The following RMST variants were observed in gnomAD, a reference collection of about 807,000 sequenced individuals.
RMST encodes the protein long intergenic non-protein coding RNA 54.
chr12:97,508,061 C>A (rs1452928649), intron 10 of RMST, among the ~76,000 whole-genome samples: 1 of 152,014 alleles, frequency 6.6e-6, no homozygotes, highest in Non-Finnish European at 1.5e-5. Context: ...TAGTATCAGA[C>A]TTTTGTTGGA....
intron 5 of RMST, among the ~76,000 whole-genome samples, chr12:97,485,397 T>C (rs368168463): frequency 1.3e-5 from 2 of 152,208 alleles, no homozygotes; most frequent in Non-Finnish European, 2.9e-5. Context: ...CCTGTACATA[T>C]GATAGATACA....
At chr12:97,536,722 A>G (rs1290963261) in intron 11 of RMST, among the ~76,000 whole-genome samples, 5 of 151,560 alleles carry the variant, frequency 3.3e-5, no homozygotes, top group Non-Finnish European at 7.4e-5. Context: ...AGGAGGAAAA[A>G]GAAGTAGAAA....
At chr12:97,537,564 C>A (rs192102215) in intron 11 of RMST, among the ~76,000 whole-genome samples, 7 of 151,436 alleles carry the variant, frequency 4.6e-5, no homozygotes, top group Non-Finnish European at 4.4e-5. Flanking sequence ...TGCCTAATTA[C>A]CTGAATTCAG....
At chr12:97,479,133 CT>C (rs386377507) in intron 5 of RMST, among the ~76,000 whole-genome samples, 6,548 of 68,202 alleles carry the variant, frequency 0.096, 48 homozygotes, top group Middle Eastern at 0.12. Flanking sequence ...CTTGTCTTTG[CT>C]TTTTTTTTTT....
chr12:97,494,783 C>T (rs1252199564), exon 9 of RMST: 1 of 151,984 alleles, frequency 6.6e-6, no homozygotes, highest in Non-Finnish European at 1.5e-5. Flanking sequence ...TTACCAAAGA[C>T]AATGTTCTAT....
intron 5 of RMST, among the ~76,000 whole-genome samples, chr12:97,488,796 A>G (rs536013081): frequency 3.6e-4 from 55 of 152,188 alleles, no homozygotes; most frequent in Non-Finnish European, 5.4e-4. Flanking sequence ...GCTCCATACA[A>G]GTGAGCACTC....
chr12:97,488,216 T>C (rs1296988567), intron 5 of RMST, among the ~76,000 whole-genome samples: 1 of 152,146 alleles, frequency 6.6e-6, no homozygotes, highest in East Asian at 1.9e-4. Context: ...AAACCCTGTC[T>C]CTACTAAAAA....
chr12:97,483,011 T>C (rs1303799073), intron 5 of RMST, among the ~76,000 whole-genome samples: 7 of 151,954 alleles, frequency 4.6e-5, no homozygotes, highest in African/African-American at 9.7e-5. Context: ...CATGACCAGG[T>C]GCACGGCTCA....
In RMST at chr12:97,486,131, G is replaced by GA. The variant is rs768024768; in HGVS notation, n.645-6322dup. On this transcript the variant is annotated intron_variant and non_coding_transcript_variant, in intron 5 of 13. Coordinates refer to ENST00000640149, the Ensembl canonical transcript of RMST. ...ACCATAGGTAAGAATGGTAAGCTTT[G>GA]AAAAAAAATACAGGTATAGACATTC... 2.4e-4 allele frequency among the ~76,000 whole-genome samples: 37 copies of GA among 151,544 alleles called. No individual in the cohort carries two copies. The East Asian group carries it at 2.7e-3, about 11-fold the overall frequency.
chr12:97,544,568 C>G (rs138831782), intron 11 of RMST, among the ~76,000 whole-genome samples: 1 of 152,112 alleles, frequency 6.6e-6, no homozygotes, highest in East Asian at 1.9e-4. Context: ...CTGGGGGAAT[C>G]GAGTTCCATA....
At chr12:97,521,760 C>T (rs1230293907) in intron 10 of RMST, among the ~76,000 whole-genome samples, 1 of 152,034 alleles carries the variant, frequency 6.6e-6, no homozygotes, top group East Asian at 1.9e-4. Context: ...TCTCTGAAAC[C>T]CCCTAAAGAT....
At chr12:97,466,235 T>A (rs1269607673) in intron 5 of RMST, among the ~76,000 whole-genome samples, 2 of 152,194 alleles carry the variant, frequency 1.3e-5, no homozygotes, top group Non-Finnish European at 2.9e-5. Context: ...TGCTTCGGCG[T>A]ACAAGTAATC....
At chr12:97,547,062 C>T (rs1259162338) in intron 11 of RMST, among the ~76,000 whole-genome samples, 1 of 151,626 alleles carries the variant, frequency 6.6e-6, no homozygotes, top group East Asian at 1.9e-4. Flanking sequence ...TCTTTCTGTG[C>T]CTGGCTTATT....
chr12:97,506,574 T>C (rs1878683916), intron 10 of RMST, among the ~76,000 whole-genome samples: 1 of 151,470 alleles, frequency 6.6e-6, no homozygotes, highest in South Asian at 2.1e-4. Flanking sequence ...AAATTTAGTG[T>C]CAGAAAATCC....
intron 11 of RMST, among the ~76,000 whole-genome samples, chr12:97,558,764 C>T (rs1206815059): frequency 2.0e-5 from 3 of 152,132 alleles, no homozygotes; most frequent in Non-Finnish European, 4.4e-5. Flanking sequence ...AGGGAAGGGG[C>T]TTGGTTATTT....
chr12:97,509,617 CT>C (rs1241088327), intron 10 of RMST, among the ~76,000 whole-genome samples: 1 of 152,108 alleles, frequency 6.6e-6, no homozygotes, highest in Non-Finnish European at 1.5e-5. Flanking sequence ...TCTCCCTCCC[CT>C]GACCCTTCTC....
intron 5 of RMST, among the ~76,000 whole-genome samples, chr12:97,486,243 A>C (rs1170156155): frequency 6.6e-6 from 1 of 152,224 alleles, no homozygotes; most frequent in Non-Finnish European, 1.5e-5. Flanking sequence ...GCAATGTGAA[A>C]TAAGAGAGAA....
chr12:97,484,046 A>T (rs892750411), intron 5 of RMST, among the ~76,000 whole-genome samples: 1 of 152,150 alleles, frequency 6.6e-6, no homozygotes. Flanking sequence ...AATTAAGGAG[A>T]TGGAAACAGC....
chr12:97,508,706 CATT>C (rs1221820173), intron 10 of RMST, among the ~76,000 whole-genome samples: 2 of 152,004 alleles, frequency 1.3e-5, no homozygotes, highest in Admixed American at 1.3e-4. Context: ...TTTTTAGCAT[CATT>C]GAGTAGCTTC....
Sources: gnomAD v4.1 joint callset for allele counts (sites outside exome capture counted in the v4.1 genomes callset) on GRCh38, gnomAD v4.1.1 for gene constraint, MANE v1.5 for transcripts, NCBI Gene and HGNC (gene_info 2026-07-23, HGNC 2026-07-21) for gene names.